Variants in NUP153 observed in about 807,000 individuals in gnomAD.
NUP153 encodes the protein nuclear pore complex protein Nup153.
In NUP153, 27 loss-of-function variants were observed where a neutral mutation model predicts 134.6. The observed-to-expected ratio is 0.20, with a 90% CI of 0.15 to 0.28. The LOEUF is 0.28. Ranked by LOEUF, NUP153 falls within the 10% of genes least tolerant of loss-of-function variation. The pLI is 1.00. For synonymous variants in NUP153, 640 were observed against 623.5 expected (o/e 1.03, Z -0.40); for missense variants, 1,821 against 1,731.3 (o/e 1.05, Z -0.92).
chr6:17,677,291 C>T (rs940636717), intron 2 of NUP153, among the ~76,000 whole-genome samples: 2 of 152,048 alleles, frequency 1.3e-5, no homozygotes, highest in African/African-American at 4.8e-5. Context: ...CTGCTAAAAA[C>T]AAGAACCAAC....
Position 17,648,773 on chromosome 6 carries a change from A to C in NUP153, c.1533+390T>G, listed in dbSNP as rs552301418. ...AGCTGTGATTGCACCACTGCTCTCT[A>C]GCCTCGGCAATACAGCGAGACACCA... is the stretch of plus-strand genomic sequence containing the variant. On this transcript the variant is annotated intron_variant, in intron 12 of 21. Coordinates refer to ENST00000262077, the MANE Select transcript of NUP153 (RefSeq NM_005124.4). 1.2e-4 allele frequency among the ~76,000 whole-genome samples: 18 copies of C among 151,266 alleles called. 2 individuals carry two copies. In the South Asian group the frequency reaches 3.2e-3, roughly 27 times the overall value.
At chr6:17,669,402 T>A (rs750531150) in intron 6 of NUP153, 28 bp downstream of exon 6, 2 of 1,594,692 alleles carry the variant, frequency 1.3e-6, no homozygotes, top group South Asian at 2.2e-5. Context: ...GTTACACTCC[T>A]GTATTAATCG....
In NUP153 at chr6:17,636,154, C is replaced by T. The variant is rs781285295; in HGVS notation, c.2464+999G>A. ...TCCAAGACCAGCCTGGCCAACATGG[C>T]GAAACCCTGTCTCTACTAAAAATAC... On this transcript the variant is annotated intron_variant, in intron 16 of 21. Transcript: ENST00000262077. 2.4e-4 allele frequency among the ~76,000 whole-genome samples: 37 copies of T among 151,998 alleles called. 1 individual carries two copies. The highest frequency in any genetic ancestry group is 4.3e-4 in the Non-Finnish European group (29 of 67,992).
chr6:17,617,001 C>G (rs1056548282), intron 20 of NUP153, among the ~76,000 whole-genome samples: 1 of 152,190 alleles, frequency 6.6e-6, no homozygotes. Context: ...CTGTCCACCT[C>G]GGCCTCCCAA....
At chr6:17,685,373 C>T (rs1238274396) in intron 2 of NUP153, among the ~76,000 whole-genome samples, 4 of 151,992 alleles carry the variant, frequency 2.6e-5, no homozygotes, top group Non-Finnish European at 5.9e-5. Flanking sequence ...CGGAGAAACC[C>T]CGTCTTTACT....
At chr6:17,647,935 CAA>C (rs1371633355) in intron 12 of NUP153, 30 bp from the exon 13 acceptor site, 1 of 1,366,338 alleles carries the variant, frequency 7.3e-7, no homozygotes, top group Non-Finnish European at 1.0e-6. Flanking sequence ...AGAAATGATA[CAA>C]AAAGAGCTTT....
In NUP153 at chr6:17,661,676, C is replaced by G; in HGVS notation, c.1372G>C (p.Ala458Pro). Residue 458 changes from alanine (A) to proline (P), a missense_variant, in exon 11 of 22, where the codon GCT (alanine) becomes CCT (proline). Physicochemically the swap from Ala to Pro is conservative, Grantham distance 27 (BLOSUM62 -1). Transcript: ENST00000262077. The part of the protein sequence containing the change: ...KMRRERTRFV[A>P]SKPLEEEEME... ...ACCTCCTCCTCCAGAGGTTTAGAAG[C>G]AACAAAGCGTGTTCTTTCTCGTCTC... 1.9e-6 allele frequency: 3 copies of G among 1,613,792 alleles called. No homozygotes were observed. Among genetic ancestry groups the G allele is most frequent in the Non-Finnish European group, 2.5e-6 (3 of 1,179,834 alleles).
chr6:17,637,165 A>C lies in NUP153; in HGVS notation c.2452T>G (p.Ser818Ala). 6.2e-7 allele frequency: 1 copy of C among 1,603,886 alleles called. No individual in the cohort carries two copies. Among genetic ancestry groups the C allele is most frequent in the Non-Finnish European group, 8.5e-7 (1 of 1,171,802 alleles). ...GCCAAAAACATACCTGGTTTCTCAG[A>C]CATACAGGACACACACTTATTGTCT... ...AEDNKCVSCM[S>A]EKPGSSVPAS... The change falls in exon 16 of 22, where the codon TCT becomes GCT. Residue 818 changes from serine to alanine, a missense_variant. Coordinates refer to ENST00000262077, the MANE Select transcript of NUP153 (RefSeq NM_005124.4).
chr6:17,689,975 T>C (rs1251948931), intron 1 of NUP153, among the ~76,000 whole-genome samples: 1 of 152,210 alleles, frequency 6.6e-6, no homozygotes, highest in Non-Finnish European at 1.5e-5. Flanking sequence ...CTTTATGAAC[T>C]AATATCCCCA....
chr6:17,687,045 A>G (rs552295356), intron 2 of NUP153, among the ~76,000 whole-genome samples: 2 of 152,316 alleles, frequency 1.3e-5, no homozygotes, highest in East Asian at 3.9e-4. Context: ...TACATTTAAT[A>G]ATATAATGAA....
chr6:17,630,211 A>G (rs76601967), intron 17 of NUP153, among the ~76,000 whole-genome samples: 2,954 of 152,340 alleles, frequency 0.019, 94 homozygotes, highest in African/African-American at 0.067. Context: ...GTGGGAGGGA[A>G]GGTGGAAAAA....
rs1426780643 is a variant in NUP153, at chr6:17,616,782, C to T, written c.4175-87G>A. On this transcript the variant is annotated intron_variant, in intron 20 of 21. Coordinates refer to ENST00000262077, the MANE Select transcript of NUP153 (RefSeq NM_005124.4). Reference sequence around the variant, plus strand: ...GTTTGTTTTTTGAGACGGAGTCTCGCTCTCTTGCCCAGGCTGGAGTACAGT... The same window carrying T: ...GTTTGTTTTTTGAGACGGAGTCTCGTTCTCTTGCCCAGGCTGGAGTACAGT... The T allele has an allele frequency of 6.2e-6, 8 of 1,287,736 alleles. No homozygotes were observed. In the East Asian group the frequency reaches 1.9e-4, roughly 31 times the overall value. The allele number at this position is 1,287,736 out of a possible 1,614,324, so 79.8% of individuals were successfully genotyped here. A position where few individuals can be genotyped will look rare whatever the true frequency, so the allele number is the denominator to read the frequency against.
intron 20 of NUP153, 146 bp downstream of exon 20, chr6:17,624,415 T>C (rs991121619): frequency 2.8e-6 from 2 of 712,938 alleles, no homozygotes; most frequent in South Asian, 2.4e-5. Flanking sequence ...TGTTTATATA[T>C]AAATCCAACC....
intron 1 of NUP153, among the ~76,000 whole-genome samples, chr6:17,702,244 A>C (rs1770159064): frequency 6.6e-6 from 1 of 152,202 alleles, no homozygotes; most frequent in South Asian, 2.1e-4. Flanking sequence ...GAGGTAGCTC[A>C]TGCCTGTAAT....
Position 17,706,110 on chromosome 6 carries a change from A to T in NUP153, c.111+167T>A. The T allele has an allele frequency of 3.2e-6, 2 of 622,940 alleles. No individual in the cohort carries two copies. Among genetic ancestry groups the T allele is most frequent in the Non-Finnish European group, 5.6e-6 (2 of 355,448 alleles). 38.6% of individuals were successfully genotyped at this position (622,940 alleles called of 1,614,324 possible). A position where few individuals can be genotyped will look rare whatever the true frequency, so the allele number is the denominator to read the frequency against. ...CGCAAGGCTGGGCCTGTCTCAGCCC[A>T]CTTCCCGTCGCCACCCCCAACGGCC... On this transcript the variant is annotated intron_variant, in intron 1 of 21. Coordinates refer to ENST00000262077, the MANE Select transcript of NUP153 (RefSeq NM_005124.4). This position sits in a 1 kb window ranked among gnomAD's most constrained non-coding sequence, Gnocchi z 5.9.
chr6:17,634,313 T>C (rs1765408756), intron 16 of NUP153, among the ~76,000 whole-genome samples: 1 of 152,188 alleles, frequency 6.6e-6, no homozygotes, highest in South Asian at 2.1e-4. Context: ...GTTAGCGGAC[T>C]TTCATTTCAG....
At position 17,686,719 on chromosome 6, in the gene NUP153, A is replaced by AT. The variant is rs201003671; in HGVS notation, c.334+1676dup. On this transcript the variant is annotated intron_variant, in intron 2 of 21. Transcript: ENST00000262077. ...AAAAACAGTACTATAGAAAAAAAAAATTTTTTAAGTTTTTGAAGTAGATAT... is the reference window on the plus strand; with the variant it reads ...AAAAACAGTACTATAGAAAAAAAAAATTTTTTTAAGTTTTTGAAGTAGATAT... Among the ~76,000 whole-genome samples the AT allele has an allele frequency of 1.5e-3, 221 of 151,934 alleles. 4 individuals carry two copies. The East Asian group carries it at 0.039, about 27-fold the overall frequency.
chr6:17,659,881 A>G (rs992128913), intron 11 of NUP153, among the ~76,000 whole-genome samples: 15 of 152,224 alleles, frequency 9.9e-5, no homozygotes, highest in African/African-American at 3.1e-4. Flanking sequence ...AATGGCATTC[A>G]AGGTATTTCC....
chr6:17,663,600 T>C (rs1289379783), intron 9 of NUP153, among the ~76,000 whole-genome samples: 2 of 152,132 alleles, frequency 1.3e-5, no homozygotes, highest in African/African-American at 4.8e-5. Flanking sequence ...TAATGTTAAC[T>C]TAAAAGTATG....
Sources: allele counts gnomAD v4.1 joint callset (sites outside exome capture counted in the v4.1 genomes callset), GRCh38; gene constraint gnomAD v4.1.1; non-coding constraint Gnocchi (gnomAD v3.1); transcripts MANE v1.5; gene names NCBI Gene and HGNC (gene_info 2026-07-23, HGNC 2026-07-21).